TANC1: variants seen among roughly 807,000 people sequenced by gnomAD.
TANC1 encodes tetratricopeptide repeat, ankyrin repeat and coiled-coil containing 1.
TANC1 carries 77 observed loss-of-function variants against 149.7 expected under a neutral mutation model. The ratio of observed to expected loss-of-function variants is 0.51; its 90% CI spans 0.43 to 0.62. The LOEUF (loss-of-function observed/expected upper bound fraction) is 0.62, where lower values mean the gene tolerates loss of function less well. Ranked by LOEUF, TANC1 falls within the 20% of genes least tolerant of loss-of-function variation. The probability of loss-of-function intolerance (pLI) is 0.00; values close to 1 mark genes in which losing one functional copy is unlikely to be tolerated. For synonymous variants in TANC1, 854 were observed against 925.0 expected (o/e 0.92, Z 1.39); for missense variants, 1,985 against 2,321.8 (o/e 0.85, Z 2.98).
intron 2 of TANC1, among the ~76,000 whole-genome samples, chr2:159,013,681 T>C (rs758718240): frequency 2.6e-5 from 4 of 152,208 alleles, no homozygotes; most frequent in African/African-American, 9.6e-5. Context: ...GAATATTGTC[T>C]TGTGTCCTCC....
chr2:159,107,723 C>T (rs1027906215), intron 4 of TANC1, among the ~76,000 whole-genome samples: 3 of 152,220 alleles, frequency 2.0e-5, no homozygotes, highest in African/African-American at 4.8e-5. Flanking sequence ...GAACCTTCTC[C>T]TTAGGAGTTG....
intron 4 of TANC1, among the ~76,000 whole-genome samples, chr2:159,118,780 A>G (rs1186342790): frequency 6.6e-6 from 1 of 152,214 alleles, no homozygotes; most frequent in African/African-American, 2.4e-5. Context: ...CTTGTGGTTG[A>G]TGCTGAATGA....
chr2:158,985,553 C>T (rs527816591), intron 1 of TANC1, among the ~76,000 whole-genome samples: 2 of 152,280 alleles, frequency 1.3e-5, no homozygotes, highest in South Asian at 4.1e-4. Context: ...TGGTTAACCT[C>T]AGATTATTAC....
At chr2:159,037,443 G>T (rs184622566) in intron 2 of TANC1, among the ~76,000 whole-genome samples, 119 of 152,090 alleles carry the variant, frequency 7.8e-4, no homozygotes, top group South Asian at 6.4e-3. Context: ...GCCTATGTCC[G>T]GAATGGTATT....
At chr2:159,137,927 G>A (rs994362294) in intron 5 of TANC1, among the ~76,000 whole-genome samples, 1 of 152,008 alleles carries the variant, frequency 6.6e-6, no homozygotes, top group Non-Finnish European at 1.5e-5. Context: ...TGGGAGTGGG[G>A]GTAGAAAATT....
intron 19 of TANC1, among the ~76,000 whole-genome samples, chr2:159,207,234 G>A (rs1410759192): frequency 6.6e-6 from 1 of 152,228 alleles, no homozygotes; most frequent in Non-Finnish European, 1.5e-5. Flanking sequence ...AGAATTAGAG[G>A]GGAACACAAT....
intron 3 of TANC1, among the ~76,000 whole-genome samples, chr2:159,091,026 G>GT (rs1425749919): frequency 6.6e-6 from 1 of 151,548 alleles, no homozygotes. Flanking sequence ...GGAACAGGGT[G>GT]TTTTTTTGTT....
intron 12 of TANC1, 48 bp from the exon 13 acceptor site, chr2:159,176,304 A>T: frequency 8.6e-7 from 1 of 1,160,026 alleles, no homozygotes; most frequent in Non-Finnish European, 1.2e-6. Flanking sequence ...TTGCTGTCTT[A>T]GAGAAATGTA....
intron 4 of TANC1, among the ~76,000 whole-genome samples, chr2:159,122,840 G>C (rs1047186112): frequency 6.6e-6 from 1 of 151,084 alleles, no homozygotes; most frequent in Non-Finnish European, 1.5e-5. Context: ...AACAGTATGA[G>C]GGTTTCAGTT....
intron 18 of TANC1, among the ~76,000 whole-genome samples, chr2:159,198,045 A>G (rs1175893611): frequency 6.6e-6 from 1 of 152,070 alleles, no homozygotes; most frequent in African/African-American, 2.4e-5. Context: ...AGCCACCTGT[A>G]TTTTTTAGCT....
At chr2:158,983,835 G>T (rs562917058) in intron 1 of TANC1, among the ~76,000 whole-genome samples, 1 of 152,308 alleles carries the variant, frequency 6.6e-6, no homozygotes, top group African/African-American at 2.4e-5. Context: ...TATTGCCTTT[G>T]TGCCTATTAA....
chr2:159,229,772 G>C lies in TANC1; in HGVS notation c.4346G>C (p.Gly1449Ala), dbSNP rs1210190853. 10 of 1,613,800 alleles carry C rather than the reference G, an allele frequency of 6.2e-6. No homozygotes were observed. Among genetic ancestry groups the C allele is most frequent in the Non-Finnish European group, 8.5e-6 (10 of 1,179,962 alleles). The change falls in exon 27 of 27, where the codon GGC becomes GCC. Residue 1449 changes from glycine (G) to alanine (A), a missense_variant. This residue lies in a region of TANC1 where 920 missense variants were observed against 994.7 expected (regional missense o/e 0.92). Transcript: ENST00000263635. ...AACGAAGAGGACACCCCAACCCCTG[G>C]CTTAAGTGACCACTTTCACTCTGAG... ...SENEEDTPTP[G>A]LSDHFHSEET...
chr2:159,180,351 A>G (rs1398804512), intron 14 of TANC1, among the ~76,000 whole-genome samples: 16 of 152,248 alleles, frequency 1.1e-4, no homozygotes, highest in Non-Finnish European at 1.8e-4. Flanking sequence ...AAGATTGACT[A>G]TAGCTGAGTT....
At chr2:159,012,354 GT>G (rs1322540120) in intron 2 of TANC1, among the ~76,000 whole-genome samples, 1 of 152,020 alleles carries the variant, frequency 6.6e-6, no homozygotes, top group East Asian at 1.9e-4. Flanking sequence ...GAAAGTCCCT[GT>G]ACATGATTGT....
chr2:159,200,142 A>G (rs1197193099), intron 19 of TANC1, among the ~76,000 whole-genome samples: 1 of 152,230 alleles, frequency 6.6e-6, no homozygotes, highest in Non-Finnish European at 1.5e-5. Context: ...TAATTTGGTG[A>G]AAGAAAAGTT....
At chr2:159,102,735 T>TTTTTTTTTTTC (rs1313030056) in intron 4 of TANC1, among the ~76,000 whole-genome samples, 1 of 51,088 alleles carries the variant, frequency 2.0e-5, no homozygotes, top group South Asian at 6.1e-4. Context: ...TTTTTTTTTT[T>TTTTTTTTTTTC]TGAGATGGAG....
rs56283111 is a variant in TANC1, at chr2:159,051,655, G to A, written c.-15-14241G>A. Among the ~76,000 whole-genome samples, 386 of 100,516 alleles carry A rather than the reference G, an allele frequency of 3.8e-3. 1 individual carries two copies. The highest frequency in any genetic ancestry group is 0.013 in the African/African-American group (271 of 20,622). The allele number at this position is 100,516 out of a possible 152,430, so 65.9% of individuals were successfully genotyped here. On this transcript the variant is annotated intron_variant, in intron 2 of 26. Coordinates refer to ENST00000263635, the MANE Select transcript of TANC1 (RefSeq NM_033394.3). The stretch of plus-strand genomic sequence containing the variant: ...AAAATTTAGTTGAAGTGGTGTTTGT[G>A]TGTGTGTGTGTGTGTGTGTGTGTGT...
chr2:159,160,645 A>G (rs2053957619), intron 7 of TANC1, among the ~76,000 whole-genome samples: 1 of 152,086 alleles, frequency 6.6e-6, no homozygotes, highest in Non-Finnish European at 1.5e-5. Flanking sequence ...CTGGGCTTCC[A>G]CCTGTGTAGG....
chr2:159,216,060 G>A (rs1042440843), intron 19 of TANC1, among the ~76,000 whole-genome samples: 1 of 152,266 alleles, frequency 6.6e-6, no homozygotes, highest in East Asian at 1.9e-4. Flanking sequence ...CAACTTACTC[G>A]TAGCGTCAGC....
Sources: gnomAD v4.1 joint callset for allele counts (sites outside exome capture counted in the v4.1 genomes callset) on GRCh38, gnomAD v4.1.1 for gene constraint, gnomAD v4.1.1 regional missense constraint, MANE v1.5 for transcripts, NCBI Gene and HGNC (gene_info 2026-07-23, HGNC 2026-07-21) for gene names.